Variants in C2orf15 observed in about 807,000 individuals in gnomAD.
C2orf15 encodes uncharacterized protein C2orf15.
C2orf15 carries 3 observed loss-of-function variants against 4.4 expected under a neutral mutation model. The ratio of observed to expected loss-of-function variants is 0.67; its 90% confidence interval spans 0.31 to 1.74. The LOEUF (loss-of-function observed/expected upper bound fraction) is 1.74, where lower values mean the gene tolerates loss of function less well. C2orf15 is among the 40% of genes most tolerant of loss of function. The pLI is 0.09. For synonymous variants in C2orf15, 37 were observed against 36.8 expected, an observed-to-expected ratio of 1.00 and a Z score of -0.02; for missense variants, 90 against 103.3, an observed-to-expected ratio of 0.87 and a Z score of 0.56.
intron 3 of C2orf15, among the ~76,000 whole-genome samples, chr2:99,149,603 C>T (rs531554030): frequency 1.9e-4 from 29 of 151,378 alleles, no homozygotes; most frequent in African/African-American, 6.5e-4. Flanking sequence ...CCACCACGCC[C>T]GGCTAATTCT....
chr2:99,147,182 A>C (rs914150379), intron 2 of C2orf15: 28 of 356,440 alleles, frequency 7.9e-5, no homozygotes, highest in South Asian at 2.6e-4. Context: ...TTTTTTTCTG[A>C]TAGGGATGAG....
intron 2 of C2orf15, among the ~76,000 whole-genome samples, chr2:99,146,555 A>T (rs1402933528): frequency 6.6e-6 from 1 of 152,106 alleles, no homozygotes; most frequent in Non-Finnish European, 1.5e-5. Context: ...TCTTCACTCC[A>T]AGGTAACAGA....
At chr2:99,146,012 G>A (rs1472013919) in intron 2 of C2orf15, among the ~76,000 whole-genome samples, 1 of 152,098 alleles carries the variant, frequency 6.6e-6, no homozygotes, top group African/African-American at 2.4e-5. Context: ...GGCCAGGTAC[G>A]GTGGCTCATG....
intron 2 of C2orf15, among the ~76,000 whole-genome samples, chr2:99,143,898 CT>C (rs2093603529): frequency 6.6e-6 from 1 of 152,120 alleles, no homozygotes; most frequent in Non-Finnish European, 1.5e-5. Context: ...TCTGTTATTA[CT>C]ATTTTTTGTT....
At chr2:99,146,011 CG>C (rs1299115191) in intron 2 of C2orf15, among the ~76,000 whole-genome samples, 1 of 152,020 alleles carries the variant, frequency 6.6e-6, no homozygotes, top group Non-Finnish European at 1.5e-5. Context: ...TGGCCAGGTA[CG>C]GTGGCTCATG....
chr2:99,142,258 T>G (rs547521708), intron 1 of C2orf15, 27 bp from the exon 2 acceptor site: 1 of 152,256 alleles, frequency 6.6e-6, no homozygotes, highest in Admixed American at 6.5e-5. Flanking sequence ...TGGATGATAA[T>G]GGTGACTTTA....
chr2:99,143,951 C>G (rs1222719429), intron 2 of C2orf15, among the ~76,000 whole-genome samples: 2 of 152,132 alleles, frequency 1.3e-5, no homozygotes, highest in Non-Finnish European at 2.9e-5. Flanking sequence ...AAAAAAAAAT[C>G]TGGGACTCCA....
At chr2:99,144,435 C>T (rs947940426) in intron 2 of C2orf15, among the ~76,000 whole-genome samples, 1 of 151,482 alleles carries the variant, frequency 6.6e-6, no homozygotes, top group Admixed American at 6.6e-5. Flanking sequence ...ATCACTCTCC[C>T]GAACTGCCTG....
intron 2 of C2orf15, among the ~76,000 whole-genome samples, chr2:99,145,209 GTCC>G (rs1239970473): frequency 2.0e-5 from 3 of 152,068 alleles, no homozygotes; most frequent in Non-Finnish European, 1.5e-5. Flanking sequence ...GGCCAGTCAA[GTCC>G]TCCTCACATT....
chr2:99,144,148 G>A (rs1395028438), intron 2 of C2orf15, among the ~76,000 whole-genome samples: 1 of 152,094 alleles, frequency 6.6e-6, no homozygotes, highest in East Asian at 1.9e-4. Context: ...AGCCTCCCGA[G>A]CAGCTGGGAC....
intron 3 of C2orf15, among the ~76,000 whole-genome samples, chr2:99,148,042 A>G (rs927231836): frequency 1.9e-4 from 29 of 152,312 alleles, no homozygotes; most frequent in African/African-American, 7.0e-4. Context: ...TCCCAATTCA[A>G]GAGCATTGGT....
chr2:99,147,612 G>T, intron 3 of C2orf15, 119 bp downstream of exon 3: 1 of 835,302 alleles, frequency 1.2e-6, no homozygotes, highest in Non-Finnish European at 1.9e-6. Flanking sequence ...TACGTTTGTT[G>T]ATTTCAAATG....
intron 3 of C2orf15, chr2:99,148,235 T>C (rs756789384): frequency 3.9e-5 from 6 of 152,230 alleles, no homozygotes; most frequent in African/African-American, 1.4e-4. Flanking sequence ...GACAGGAGTA[T>C]TTCCTTTCTA....
In C2orf15 at chr2:99,142,417, T is replaced by C. The variant is rs201206987; in HGVS notation, c.-169+16T>C. 1 of 152,102 alleles carries C rather than the reference T, an allele frequency of 6.6e-6. No homozygotes were observed. Among genetic ancestry groups the C allele is most frequent in the African/African-American group, 2.4e-5 (1 of 41,408 alleles). 9.4% of individuals were successfully genotyped at this position (152,102 alleles called of 1,614,324 possible). On this transcript the variant is annotated intron_variant, in intron 2 of 3. Coordinates refer to ENST00000650052, the MANE Select transcript of C2orf15 (RefSeq NM_144706.4). ...TTTTCGCCAGGTGAGTACTCATTTT[T>C]CCCCCCACAAGATATCATTGGCAGG...
At chr2:99,147,535 C>G in intron 3 of C2orf15, 42 bp downstream of exon 3, 1 of 1,547,274 alleles carries the variant, frequency 6.5e-7, no homozygotes, top group Non-Finnish European at 8.9e-7. Context: ...ATACTTGGTT[C>G]CTCCTCAGTC....
In C2orf15 at chr2:99,150,845, A is replaced by T. The variant is rs1289183743; in HGVS notation, c.*11A>T. ...ACAGATGTGGAATGAAGCAATTTGT[A>T]CGTATTACCAAAGAAACCAAAAACT... On this transcript the variant is annotated 3_prime_UTR_variant, in exon 4 of 4. Transcript: ENST00000650052. The T allele has an allele frequency of 6.5e-7, 1 of 1,549,344 alleles. No individual in the cohort carries two copies. Among genetic ancestry groups the T allele is most frequent in the Non-Finnish European group, 8.7e-7 (1 of 1,148,516 alleles).
intron 3 of C2orf15, among the ~76,000 whole-genome samples, chr2:99,149,751 T>TC (rs1384490334): frequency 2.7e-5 from 4 of 148,270 alleles, no homozygotes; most frequent in Non-Finnish European, 4.5e-5. Flanking sequence ...CGATCATCTC[T>TC]TTTTACAGAC....
At chr2:99,149,303 G>A (rs1421965248) in intron 3 of C2orf15, among the ~76,000 whole-genome samples, 1 of 151,880 alleles carries the variant, frequency 6.6e-6, no homozygotes, top group East Asian at 1.9e-4. Flanking sequence ...AACCTTTTCT[G>A]TACAGGAAGC....
At chr2:99,142,818 G>A (rs2093584539) in intron 2 of C2orf15, among the ~76,000 whole-genome samples, 1 of 152,130 alleles carries the variant, frequency 6.6e-6, no homozygotes, top group Non-Finnish European at 1.5e-5. Flanking sequence ...AATGTTCTAA[G>A]TTTAAAACTA....
Sources: gnomAD v4.1 joint callset for allele counts (sites outside exome capture counted in the v4.1 genomes callset) on GRCh38, gnomAD v4.1.1 for gene constraint, MANE v1.5 for transcripts, NCBI Gene and HGNC (gene_info 2026-07-23, HGNC 2026-07-21) for gene names.